Variants in ADPGK observed in about 807,000 individuals in gnomAD.
ADPGK encodes the protein ADP-dependent glucokinase.
Under a neutral mutation model 42.4 loss-of-function variants are expected in ADPGK, and 26 were observed. That is an observed-to-expected ratio of 0.61 (90% CI 0.45 to 0.85). The LOEUF is 0.85. ADPGK is among the 40% of genes least tolerant of loss of function. The pLI is 0.00. For missense variants in ADPGK, 571 were observed against 627.0 expected (o/e 0.91, Z 0.95); for synonymous variants, 267 against 252.6 (o/e 1.06, Z -0.54).
chr15:72,773,474 T>G (rs897148233), intron 2 of ADPGK, among the ~76,000 whole-genome samples: 1 of 152,226 alleles, frequency 6.6e-6, no homozygotes, highest in East Asian at 1.9e-4. Flanking sequence ...AATTTTCATA[T>G]AATGTTTATC....
chr15:72,782,192 G>C lies in ADPGK; in HGVS notation c.233+1267C>G, dbSNP rs991674934. On this transcript the variant is annotated intron_variant, in intron 1 of 6. Coordinates refer to ENST00000456471, the MANE Select transcript of ADPGK (RefSeq NM_001365225.1). Reference sequence around the variant, plus strand: ...TATCTTAAGAACCTAGCACAGACCTGACACTAACCATGTAGTTGGTGAATA... The same window carrying C: ...TATCTTAAGAACCTAGCACAGACCTCACACTAACCATGTAGTTGGTGAATA... 2.0e-5 allele frequency among the ~76,000 whole-genome samples: 3 copies of C among 152,156 alleles called. No homozygotes were observed. In the South Asian group the frequency reaches 6.2e-4, roughly 32 times the overall value.
At chr15:72,753,023 C>G (rs573763016) in intron 6 of ADPGK, 128 bp from the exon 7 acceptor site, 2 of 911,632 alleles carry the variant, frequency 2.2e-6, no homozygotes, top group Non-Finnish European at 3.3e-6. Context: ...TACAGGACTC[C>G]CTGGCCCTGA....
At chr15:72,753,437 T>C (rs867653680) in intron 6 of ADPGK, among the ~76,000 whole-genome samples, 1 of 152,200 alleles carries the variant, frequency 6.6e-6, no homozygotes, top group East Asian at 1.9e-4. Context: ...GCAATAACAC[T>C]GTAAGAAAAA....
At chr15:72,782,464 G>A (rs539416766) in intron 1 of ADPGK, among the ~76,000 whole-genome samples, 1 of 144,934 alleles carries the variant, frequency 6.9e-6, no homozygotes, top group South Asian at 2.2e-4. Flanking sequence ...GTTCGAGGCT[G>A]CAGTGAGCAG....
rs2066072783 is a variant in ADPGK at position 72,753,397 on chromosome 15, G to A, written c.940-502C>T. 2.0e-5 allele frequency among the ~76,000 whole-genome samples: 3 copies of A among 152,282 alleles called. No homozygotes were observed. The South Asian group carries it at 6.2e-4, about 32-fold the overall frequency. The stretch of plus-strand genomic sequence containing the variant: ...GTTAGAGCTAAGCTTTTTAAAAGCA[G>A]GTGTGGGTTAGGAAGACTGTCTGAA... On this transcript the variant is annotated intron_variant, in intron 6 of 6. Coordinates refer to ENST00000456471, the MANE Select transcript of ADPGK (RefSeq NM_001365225.1).
intron 4 of ADPGK, chr15:72,758,297 A>G: frequency 1.4e-6 from 1 of 711,718 alleles, no homozygotes; most frequent in South Asian, 1.5e-5. Context: ...CATTCCTGTA[A>G]GCAATCTCTT....
Position 72,752,433 on chromosome 15 carries a change from A to G in ADPGK, c.1402T>C (p.Leu468=). The G allele has an allele frequency of 6.2e-7, 1 of 1,614,178 alleles. No homozygotes were observed. The highest frequency in any genetic ancestry group is 8.5e-7 in the Non-Finnish European group (1 of 1,179,998). Residue 468 remains leucine (L), a synonymous_variant, in exon 7 of 7, where the codon TTG becomes CTG. Transcript: ENST00000456471. ...GTTCGAATGGGGTCTTTACACACCA[A>G]TACTGGTGTGAAGTGGAAGGATATT... ...EGISFHFTPV[L]VCKDPIRTVG... is the part of the protein sequence containing the mutation.
At chr15:72,772,985 G>A (rs1430315048) in intron 2 of ADPGK, among the ~76,000 whole-genome samples, 3 of 152,138 alleles carry the variant, frequency 2.0e-5, no homozygotes, top group Non-Finnish European at 4.4e-5. Flanking sequence ...CAGCTTCCTA[G>A]TCCTCAGCCC....
chr15:72,759,452 A>C (rs1395336515), intron 4 of ADPGK, among the ~76,000 whole-genome samples: 1 of 152,152 alleles, frequency 6.6e-6, no homozygotes, highest in African/African-American at 2.4e-5. Flanking sequence ...TTTAATTCCC[A>C]ACTGATTCTA....
intron 4 of ADPGK, chr15:72,757,992 G>A: frequency 7.4e-7 from 1 of 1,354,710 alleles, no homozygotes; most frequent in Non-Finnish European, 1.0e-6. Context: ...CAAGGCAGCA[G>A]ATGCCAAGAG....
At chr15:72,777,215 T>C (rs951541380) in intron 1 of ADPGK, among the ~76,000 whole-genome samples, 2 of 152,200 alleles carry the variant, frequency 1.3e-5, no homozygotes, top group Non-Finnish European at 2.9e-5. Context: ...TACAAGTATC[T>C]GTAGCTCTCA....
chr15:72,771,691 A>T lies in ADPGK; in HGVS notation c.522+92T>A, dbSNP rs2066330276. On this transcript the variant is annotated intron_variant, in intron 3 of 6. Coordinates refer to ENST00000456471, the MANE Select transcript of ADPGK (RefSeq NM_001365225.1). ...TCTGGTACATAGTAGGTGATCCATA[A>T]GTTGAATCAAGGAATAGATACTCAT... 23 of 1,190,688 alleles carry T rather than the reference A, an allele frequency of 1.9e-5. No homozygotes were observed. In the South Asian group the frequency reaches 3.2e-4, roughly 16 times the overall value. The allele number at this position is 1,190,688 out of a possible 1,614,324, so 73.8% of individuals were successfully genotyped here.
chr15:72,783,332 G>A, intron 1 of ADPGK, 127 bp downstream of exon 1: 2 of 1,280,950 alleles, frequency 1.6e-6, no homozygotes, highest in Non-Finnish European at 2.0e-6. Flanking sequence ...GACACTTCTC[G>A]CCAAGGGGCC....
At chr15:72,761,754 A>T (rs994588132) in intron 3 of ADPGK, among the ~76,000 whole-genome samples, 2 of 150,696 alleles carry the variant, frequency 1.3e-5, no homozygotes, top group African/African-American at 4.9e-5. Context: ...GCTGGAGTGC[A>T]GTGGTGCAAT....
In ADPGK at chr15:72,752,576, A is replaced by T. The variant is rs770734500; in HGVS notation, c.1259T>A (p.Ile420Lys). Residue 420 changes from isoleucine (I) to lysine (K), a missense_variant, in exon 7 of 7, where the codon ATA becomes AAA. By Grantham distance (102) the Ile-to-Lys change is moderately radical. Coordinates refer to ENST00000456471, the MANE Select transcript of ADPGK (RefSeq NM_001365225.1). The part of the protein sequence containing the change: ...AGTQACATET[I>K]DTSRVSLRAP... Reference sequence around the variant, plus strand: ...CCTCAGAGACACTCGGCTGGTGTCTATGGTTTCTGTGGCGCAGGCCTGTGT... The same window carrying T: ...CCTCAGAGACACTCGGCTGGTGTCTTTGGTTTCTGTGGCGCAGGCCTGTGT... The T allele has an allele frequency of 1.4e-5, 23 of 1,614,110 alleles. No homozygotes were observed. The South Asian group carries it at 2.5e-4, about 18-fold the overall frequency.
At chr15:72,753,525 C>G (rs1052554102) in intron 6 of ADPGK, among the ~76,000 whole-genome samples, 2 of 152,214 alleles carry the variant, frequency 1.3e-5, no homozygotes, top group Non-Finnish European at 2.9e-5. Flanking sequence ...TTACTTAGCA[C>G]TTCCCTCCTT....
At chr15:72,753,790 A>G (rs1265769561) in intron 6 of ADPGK, among the ~76,000 whole-genome samples, 1 of 152,206 alleles carries the variant, frequency 6.6e-6, no homozygotes. Context: ...CAGAAGGGTT[A>G]AGTAGACAGT....
chr15:72,760,303 T>G (rs943849639), intron 4 of ADPGK, 104 bp downstream of exon 4: 1 of 1,379,788 alleles, frequency 7.2e-7, no homozygotes, highest in African/African-American at 1.4e-5. Context: ...AAAAACAGGA[T>G]CCTGCTAATT....
chr15:72,783,459 C>A lies in ADPGK; in HGVS notation c.233G>T (p.Gly78Val). The A allele has an allele frequency of 7.2e-7, 1 of 1,382,066 alleles. No homozygotes were observed. The highest frequency in any genetic ancestry group is 1.6e-5 in the South Asian group (1 of 60,850). 85.6% of individuals were successfully genotyped at this position (1,382,066 alleles called of 1,614,324 possible). A position where few individuals can be genotyped will look rare whatever the true frequency, so the allele number is the denominator to read the frequency against. ...AGACCCAGGCCCCGTTGGCACTCAC[C>A]CCACTGCCACGCGGCGCCAGCGCCG... ...PVRRWRRVAVGVNACVDVVLS... is the reference protein window; with the variant it reads ...PVRRWRRVAVVVNACVDVVLS... Residue 78 changes from glycine (G) to valine (V), a missense_variant and splice_region_variant, in exon 1 of 7, where the codon GGA (glycine) becomes GTA (valine). By Grantham distance (109) the Gly-to-Val change is moderately radical. Transcript: ENST00000456471.
Sources: allele counts gnomAD v4.1 joint callset (sites outside exome capture counted in the v4.1 genomes callset), GRCh38; gene constraint gnomAD v4.1.1; transcripts MANE v1.5; gene names NCBI Gene and HGNC (gene_info 2026-07-23, HGNC 2026-07-21).